FAM53A: variants seen among roughly 807,000 people sequenced by gnomAD.
FAM53A encodes protein FAM53A.
FAM53A carries 28 observed loss-of-function variants against 26.6 expected under a neutral mutation model. The ratio of observed to expected loss-of-function variants is 1.05; its 90% CI spans 0.78 to 1.45. The LOEUF is 1.45. Ranked by LOEUF, FAM53A falls within the 40% of genes most tolerant of loss-of-function variation. The pLI, the probability that FAM53A is intolerant of heterozygous loss-of-function variation, is 0.00. For missense variants in FAM53A, 650 were observed against 575.8 expected (o/e 1.13, Z -1.32); for synonymous variants, 290 against 253.1 (o/e 1.15, Z -1.38).
intron 1 of FAM53A, among the ~76,000 whole-genome samples, chr4:1,678,677 C>A (rs1316675501): frequency 6.6e-6 from 1 of 152,018 alleles, no homozygotes; most frequent in Non-Finnish European, 1.5e-5. Flanking sequence ...TAAAAATTAG[C>A]CAGGCGTGGT....
intron 1 of FAM53A, among the ~76,000 whole-genome samples, chr4:1,627,101 C>T (rs770988995): frequency 6.6e-5 from 10 of 152,186 alleles, no homozygotes; most frequent in Non-Finnish European, 7.4e-5. Flanking sequence ...GGCTTCGCTC[C>T]GGTGCCCCCA....
chr4:1,669,718 G>A (rs1401298520), intron 1 of FAM53A, among the ~76,000 whole-genome samples: 1 of 152,236 alleles, frequency 6.6e-6, no homozygotes, highest in South Asian at 2.1e-4. Context: ...CAGCAACTTG[G>A]AGAAGAGTGC....
At chr4:1,673,567 T>C (rs1170730718) in intron 1 of FAM53A, among the ~76,000 whole-genome samples, 1 of 152,176 alleles carries the variant, frequency 6.6e-6, no homozygotes, top group African/African-American at 2.4e-5. Context: ...ACCCCATCTC[T>C]ATTAAAAATA....
chr4:1,649,469 C>T (rs565280089), intron 4 of FAM53A, among the ~76,000 whole-genome samples: 20 of 152,324 alleles, frequency 1.3e-4, no homozygotes, highest in East Asian at 1.9e-4. Flanking sequence ...AAGTGGAGCC[C>T]GATCCTCCTC....
At chr4:1,599,016 G>C in the FAM53A span, among the ~76,000 whole-genome samples, 90 of 152,278 alleles carry the variant, frequency 5.9e-4, 1 homozygote, top group Non-Finnish European at 1.5e-4. This position sits in a 1 kb window ranked among gnomAD's most constrained non-coding sequence, Gnocchi z 6.1. Flanking sequence ...GCAGCACCGC[G>C]TTCCTTCCCC....
the FAM53A span, among the ~76,000 whole-genome samples, chr4:1,600,943 C>T: frequency 6.6e-6 from 1 of 152,184 alleles, no homozygotes; most frequent in Admixed American, 6.5e-5. Context: ...TGGGACATGG[C>T]GACCAGCCCT....
rs910689662 is a variant in FAM53A, at chr4:1,626,429, G to A, written c.432-8318C>T. ...AGAACAGGAAGAACCCCGATCACCA[G>A]ACCCAGCGGGGAAGTCGGGGAGGAC... On this transcript the variant is annotated intron_variant, in intron 1 of 1. Transcript: ENST00000489029. 3.1e-4 allele frequency among the ~76,000 whole-genome samples: 47 copies of A among 152,238 alleles called. 1 individual carries two copies. The highest frequency in any genetic ancestry group is 1.1e-3 in the African/African-American group (47 of 41,462).
chr4:1,648,333 T>C (rs1026982912), intron 4 of FAM53A, among the ~76,000 whole-genome samples: 8 of 152,100 alleles, frequency 5.3e-5, no homozygotes, highest in Admixed American at 2.0e-4. Flanking sequence ...GGGTGAAGAC[T>C]GGTTGGCTGA....
chr4:1,645,265 G>A (rs1330918981), intron 4 of FAM53A, among the ~76,000 whole-genome samples: 3 of 152,268 alleles, frequency 2.0e-5, no homozygotes, highest in Non-Finnish European at 4.4e-5. Context: ...GGCAGGGACA[G>A]AGATGGCCAG....
the FAM53A span, among the ~76,000 whole-genome samples, chr4:1,578,514 G>C: frequency 6.6e-6 from 1 of 151,870 alleles, no homozygotes; most frequent in Admixed American, 6.6e-5. Context: ...AGGAGGTGAG[G>C]GGACCCTCAG....
the FAM53A span, among the ~76,000 whole-genome samples, chr4:1,592,812 G>A: frequency 2.0e-5 from 3 of 152,150 alleles, no homozygotes; most frequent in East Asian, 3.9e-4. Flanking sequence ...CCGCGGGGGC[G>A]CCTGAGTGGG....
In FAM53A at chr4:1,676,798, G is replaced by A. The variant is rs374199974; in HGVS notation, c.-165+7435C>T. ...CCACCCCACACCTCCCAATACGGCCGTGTGAACATTTTGTCAAGTCATCGC... is the reference window on the plus strand; with the variant it reads ...CCACCCCACACCTCCCAATACGGCCATGTGAACATTTTGTCAAGTCATCGC... On this transcript the variant is annotated intron_variant, in intron 1 of 4. Transcript: ENST00000308132. 2.0e-5 allele frequency among the ~76,000 whole-genome samples: 3 copies of A among 152,286 alleles called. No individual in the cohort carries two copies. The South Asian group carries it at 6.2e-4, about 32-fold the overall frequency.
At chr4:1,667,164 T>C (rs1370384477) in intron 2 of FAM53A, among the ~76,000 whole-genome samples, 1 of 149,836 alleles carries the variant, frequency 6.7e-6, no homozygotes, top group African/African-American at 2.5e-5. Flanking sequence ...CCGGGTGTGG[T>C]GGCGTGTGCC....
At chr4:1,642,370 G>C (rs1711793310) in intron 4 of FAM53A, among the ~76,000 whole-genome samples, 1 of 152,118 alleles carries the variant, frequency 6.6e-6, no homozygotes, top group Non-Finnish European at 1.5e-5. Context: ...GCAGGTCCCT[G>C]AGTGCCAGGC....
intron 1 of FAM53A, among the ~76,000 whole-genome samples, chr4:1,632,981 C>T (rs933545668): frequency 9.9e-5 from 15 of 152,210 alleles, no homozygotes; most frequent in South Asian, 2.1e-4. Flanking sequence ...ACAGGGCGCA[C>T]GCAGGCATAG....
the FAM53A span, among the ~76,000 whole-genome samples, chr4:1,586,405 G>A: frequency 6.6e-6 from 1 of 151,872 alleles, no homozygotes; most frequent in African/African-American, 2.4e-5. Context: ...ATGTTGGCCA[G>A]GCTGGTCTCA....
rs116648060 is a variant in FAM53A at position 1,655,740 on chromosome 4, A to G, written c.137-17T>C. 4.6e-5 allele frequency: 71 copies of G among 1,531,570 alleles called. No homozygotes were observed. The highest frequency in any genetic ancestry group is 5.8e-5 in the Non-Finnish European group (67 of 1,147,338). The allele number at this position is 1,531,570 out of a possible 1,614,324, so 94.9% of individuals were successfully genotyped here. A position where few individuals can be genotyped will look rare whatever the true frequency, so the allele number is the denominator to read the frequency against. ...GACTCTGGTCTACAAAAAAAGACAC[A>G]AAGAGGCAGGGGAAGAGACAGGTGA... On this transcript the variant is annotated splice_polypyrimidine_tract_variant and intron_variant, in intron 3 of 4. Transcript: ENST00000308132.
In FAM53A at chr4:1,668,721, C is replaced by T; in HGVS notation, c.21G>A (p.Glu7=). The change falls in exon 2 of 5, where the codon GAG becomes GAA. Residue 7 remains glutamate (E), a synonymous_variant. Coordinates refer to ENST00000308132, the MANE Select transcript of FAM53A (RefSeq NM_001174070.3). ...CGTCCAGGCTCTGGCTCTGCAGCTTCTCAGTGATGAGTGTGACCATGGTCG... is the reference window on the plus strand; with the variant it reads ...CGTCCAGGCTCTGGCTCTGCAGCTTTTCAGTGATGAGTGTGACCATGGTCG... MVTLIT[E]KLQSQSLDDL... 1 of 1,614,212 alleles carries T rather than the reference C, an allele frequency of 6.2e-7. No homozygotes were observed. The highest frequency in any genetic ancestry group is 8.5e-7 in the Non-Finnish European group (1 of 1,180,032).
chr4:1,582,725 C>T, the FAM53A span, among the ~76,000 whole-genome samples: 2 of 152,178 alleles, frequency 1.3e-5, no homozygotes, highest in Non-Finnish European at 2.9e-5. Flanking sequence ...TGTGGTGGCG[C>T]ACATCTGTAG....
Sources: gnomAD v4.1 joint callset for allele counts (sites outside exome capture counted in the v4.1 genomes callset) on GRCh38, gnomAD v4.1.1 for gene constraint, Gnocchi (gnomAD v3.1) non-coding constraint, MANE v1.5 for transcripts, NCBI Gene and HGNC (gene_info 2026-07-23, HGNC 2026-07-21) for gene names.